ATP2A2: variants seen among roughly 807,000 people sequenced by gnomAD.
ATP2A2 encodes sarcoplasmic/endoplasmic reticulum calcium ATPase 2.
Under a neutral mutation model 109.3 loss-of-function variants are expected in ATP2A2, and 14 were observed. That is an observed-to-expected ratio of 0.13 (90% CI 0.08 to 0.20). The LOEUF (loss-of-function observed/expected upper bound fraction) is 0.20, where lower values mean the gene tolerates loss of function less well. Among genes scored for constraint, ATP2A2 ranks in the 10% least tolerant of loss-of-function variants. ATP2A2 has a pLI of 1.00. For synonymous variants in ATP2A2, 506 were observed against 490.9 expected, an observed-to-expected ratio of 1.03 and a Z score of -0.41; for missense variants, 657 against 1,321.6, an observed-to-expected ratio of 0.50 and a Z score of 7.80.
At chr12:110,345,111 G>A (rs1160437621) in intron 17 of ATP2A2, 138 bp from the exon 18 acceptor site, 2 of 1,504,376 alleles carry the variant, frequency 1.3e-6, no homozygotes, top group Non-Finnish European at 1.9e-6. Flanking sequence ...GAAGGACCAG[G>A]GCTTCTCCGA....
intron 11 of ATP2A2, chr12:110,334,388 C>G (rs1388922668): frequency 1.9e-6 from 1 of 531,764 alleles, no homozygotes; most frequent in East Asian, 3.6e-5. Flanking sequence ...GCTGCCTTCT[C>G]CCATAGTGCT....
At chr12:110,316,243 G>A (rs1355454013) in intron 5 of ATP2A2, among the ~76,000 whole-genome samples, 2 of 152,192 alleles carry the variant, frequency 1.3e-5, no homozygotes, top group Non-Finnish European at 2.9e-5. Flanking sequence ...TCTTCTGACA[G>A]TCTATGGAAA....
intron 3 of ATP2A2, among the ~76,000 whole-genome samples, chr12:110,284,025 C>A (rs2137677814): frequency 6.6e-6 from 1 of 152,222 alleles, no homozygotes; most frequent in South Asian, 2.1e-4. Context: ...GCCATATTAG[C>A]CAAGTATTGT....
At chr12:110,303,111 G>A (rs917098617) in intron 5 of ATP2A2, among the ~76,000 whole-genome samples, 1 of 152,174 alleles carries the variant, frequency 6.6e-6, no homozygotes, top group African/African-American at 2.4e-5. Flanking sequence ...TAACGTTATC[G>A]TAAGTTCTCT....
Position 110,345,982 on chromosome 12 carries a change from A to T in ATP2A2, c.2742-19A>T. 6.2e-7 allele frequency: 1 copy of T among 1,613,252 alleles called. No individual in the cohort carries two copies. Among genetic ancestry groups the T allele is most frequent in the Non-Finnish European group, 8.5e-7 (1 of 1,179,460 alleles). Reference sequence around the variant, plus strand: ...CCTTGCCTTGGGGGTGCGTTTCCCCACCTCTCCTTGCTCTGCAGCTTGTCC... The same window carrying T: ...CCTTGCCTTGGGGGTGCGTTTCCCCTCCTCTCCTTGCTCTGCAGCTTGTCC... On this transcript the variant is annotated intron_variant, in intron 18 of 19. Coordinates refer to ENST00000539276, the MANE Select transcript of ATP2A2 (RefSeq NM_170665.4).
chr12:110,313,181 C>T (rs2137773960), intron 5 of ATP2A2, among the ~76,000 whole-genome samples: 1 of 152,220 alleles, frequency 6.6e-6, no homozygotes, highest in East Asian at 1.9e-4. Flanking sequence ...CCTGTAATCA[C>T]CTCCTCTCTA....
intron 4 of ATP2A2, among the ~76,000 whole-genome samples, chr12:110,293,850 G>GTATATATATATATATA (rs1276415415): frequency 8.2e-6 from 1 of 122,480 alleles, no homozygotes; most frequent in Non-Finnish European, 1.7e-5. Context: ...GTGTGTGTGT[G>GTATATATATATATATA]TGTGTGTGTG....
intron 4 of ATP2A2, among the ~76,000 whole-genome samples, chr12:110,293,958 C>T (rs1334572319): frequency 4.8e-5 from 7 of 147,158 alleles, no homozygotes. Flanking sequence ...CTCACTGCAA[C>T]CTCCGTCTTG....
Position 110,292,040 on chromosome 12 carries a change from A to C in ATP2A2, c.240A>C (p.Glu80Asp). Residue 80 changes from glutamate (E) to aspartate (D), a missense_variant, in exon 4 of 20, where the codon GAA becomes GAC. Glu to Asp is a conservative substitution (Grantham distance 45, BLOSUM62 2). Around this residue, in one of 9 missense-constraint regions of ATP2A2, gnomAD observed 136 missense variants for 343.9 expected, o/e 0.40. Coordinates refer to ENST00000539276, the MANE Select transcript of ATP2A2 (RefSeq NM_170665.4). ...CISFVLAWFEEGEETITAFVE... is the reference protein window; with the variant it reads ...CISFVLAWFEDGEETITAFVE... ...TCTAGGTTTTGGCTTGGTTTGAAGA[A>C]GGTGAAGAAACAATTACAGCCTTTG... 1.2e-6 allele frequency: 2 copies of C among 1,614,164 alleles called. No individual in the cohort carries two copies. The highest frequency in any genetic ancestry group is 1.7e-6 in the Non-Finnish European group (2 of 1,180,010).
chr12:110,289,259 A>C (rs1873003917), intron 3 of ATP2A2, among the ~76,000 whole-genome samples: 2 of 152,184 alleles, frequency 1.3e-5, no homozygotes. Flanking sequence ...GTTACTCTTC[A>C]AGTTGAGCGA....
At position 110,342,510 on chromosome 12, in the gene ATP2A2, G is replaced by A; in HGVS notation, c.2318+62G>A. Reference sequence around the variant, plus strand: ...TTATCTAAATGGGTCATGGAGCCCAGTTCTCGCAGTTTGCTCTCCAGATTG... The same window carrying A: ...TTATCTAAATGGGTCATGGAGCCCAATTCTCGCAGTTTGCTCTCCAGATTG... On this transcript the variant is annotated intron_variant, in intron 15 of 19. Coordinates refer to ENST00000539276, the MANE Select transcript of ATP2A2 (RefSeq NM_170665.4). This position sits in a 1 kb window ranked among gnomAD's most constrained non-coding sequence, Gnocchi z 4.6. The A allele has an allele frequency of 6.4e-7, 1 of 1,551,586 alleles. No individual in the cohort carries two copies. Among genetic ancestry groups the A allele is most frequent in the Non-Finnish European group, 8.8e-7 (1 of 1,133,210 alleles).
intron 5 of ATP2A2, among the ~76,000 whole-genome samples, chr12:110,299,014 G>C (rs1874266918): frequency 6.6e-6 from 1 of 152,184 alleles, no homozygotes; most frequent in African/African-American, 2.4e-5. Context: ...CTGTCACCCA[G>C]GCTGGAGTGC....
chr12:110,338,735 G>T (rs896461842), intron 11 of ATP2A2, among the ~76,000 whole-genome samples: 1 of 152,202 alleles, frequency 6.6e-6, no homozygotes, highest in African/African-American at 2.4e-5. Flanking sequence ...ACTGGAGCTT[G>T]AGACCCTCCG....
chr12:110,280,921 CA>C (rs1431002533), upstream of ATP2A2: 2 of 152,520 alleles, frequency 1.3e-5, no homozygotes, highest in Non-Finnish European at 2.9e-5. Context: ...CCACCGGCCC[CA>C]GAGCAGCGTG....
In ATP2A2 at chr12:110,349,656, T is replaced by G. The variant is rs1390654282; in HGVS notation, c.*3186T>G. ...GACCTAAGACCTGAGACCACAAGAT[T>G]AGCTCAGTGTCTACCAAGCATCTAG... On this transcript the variant is annotated 3_prime_UTR_variant, in exon 20 of 20. Transcript: ENST00000539276. 2 of 988,046 alleles carry G rather than the reference T, an allele frequency of 2.0e-6. No individual in the cohort carries two copies. Among genetic ancestry groups the G allele is most frequent in the Non-Finnish European group, 2.4e-6 (2 of 831,472 alleles). 61.2% of individuals were successfully genotyped at this position (988,046 alleles called of 1,614,324 possible).
chr12:110,304,456 A>T (rs1309517456), intron 5 of ATP2A2, among the ~76,000 whole-genome samples: 1 of 152,150 alleles, frequency 6.6e-6, no homozygotes, highest in African/African-American at 2.4e-5. Context: ...AAGACATGTC[A>T]TTGTCTATCG....
At chr12:110,289,844 G>A (rs1368450564) in intron 3 of ATP2A2, among the ~76,000 whole-genome samples, 1 of 152,086 alleles carries the variant, frequency 6.6e-6, no homozygotes, top group Admixed American at 6.6e-5. Context: ...TAACCACATA[G>A]ACCACTCTTT....
intron 5 of ATP2A2, among the ~76,000 whole-genome samples, chr12:110,297,200 G>T (rs977345511): frequency 2.0e-5 from 3 of 152,078 alleles, no homozygotes; most frequent in Admixed American, 2.0e-4. Flanking sequence ...AGCACTTTGG[G>T]ATGCCGAGGC....
rs375275623 is a variant in ATP2A2, at chr12:110,344,908, G to A, written c.2544G>A (p.Val848=). The change falls in exon 17 of 20, where the codon GTG becomes GTA. Residue 848 remains valine, a synonymous_variant. Transcript: ENST00000539276. ...CAGGTTACGTCGGCGCTGCTACCGTGGGTGCTGCTGCATGGTGGTTCATTG... is the reference window on the plus strand; with the variant it reads ...CAGGTTACGTCGGCGCTGCTACCGTAGGTGCTGCTGCATGGTGGTTCATTG... ...AIGCYVGAAT[V]GAAAWWFIAA... is the part of the protein sequence containing the mutation. 6.2e-7 allele frequency: 1 copy of A among 1,614,076 alleles called. No homozygotes were observed. Among genetic ancestry groups the A allele is most frequent in the African/African-American group, 1.3e-5 (1 of 74,918 alleles).
Sources: gnomAD v4.1 joint callset for allele counts (sites outside exome capture counted in the v4.1 genomes callset) on GRCh38, gnomAD v4.1.1 for gene constraint, gnomAD v4.1.1 regional missense constraint, Gnocchi (gnomAD v3.1) non-coding constraint, MANE v1.5 for transcripts, NCBI Gene and HGNC (gene_info 2026-07-23, HGNC 2026-07-21) for gene names.